The following ITGA11 variants were observed in gnomAD, a reference collection of about 807,000 sequenced individuals.
ITGA11 encodes integrin alpha-11.
ITGA11 carries 97 observed loss-of-function variants against 141.9 expected under a neutral mutation model. The ratio of observed to expected loss-of-function variants is 0.68; its 90% CI spans 0.58 to 0.81. ITGA11 has a LOEUF of 0.81. ITGA11 is among the 30% of genes least tolerant of loss of function. The pLI is 0.00. For missense variants in ITGA11, 1,387 were observed against 1,559.2 expected, an observed-to-expected ratio of 0.89 and a Z score of 1.86; for synonymous variants, 658 against 624.6, an observed-to-expected ratio of 1.05 and a Z score of -0.80.
chr15:68,344,213 T>C (rs1373643637), intron 10 of ITGA11, among the ~76,000 whole-genome samples: 1 of 151,880 alleles, frequency 6.6e-6, no homozygotes, highest in East Asian at 1.9e-4. Flanking sequence ...CCTGGACCCC[T>C]GGGGAGAGGG....
intron 1 of ITGA11, among the ~76,000 whole-genome samples, chr15:68,405,974 G>T (rs1270191561): frequency 1.3e-5 from 2 of 152,110 alleles, no homozygotes; most frequent in Non-Finnish European, 2.9e-5. Flanking sequence ...ACGGCACTTT[G>T]CCTGGCTTCC....
At chr15:68,409,710 A>G (rs975143657) in intron 1 of ITGA11, among the ~76,000 whole-genome samples, 2 of 152,144 alleles carry the variant, frequency 1.3e-5, no homozygotes, top group Admixed American at 1.3e-4. Flanking sequence ...AGCTCTTACT[A>G]TGTACCAAGC....
At chr15:68,313,674 G>T in intron 23 of ITGA11, 105 bp downstream of exon 23, 1 of 811,212 alleles carries the variant, frequency 1.2e-6, no homozygotes. Context: ...CCTTAGTGCT[G>T]GGGTCTGGCC....
At chr15:68,353,561 T>A (rs983738984) in intron 7 of ITGA11, among the ~76,000 whole-genome samples, 1 of 152,008 alleles carries the variant, frequency 6.6e-6, no homozygotes, top group African/African-American at 2.4e-5. Flanking sequence ...TTCCATAGAG[T>A]GGAATAGTGT....
intron 22 of ITGA11, among the ~76,000 whole-genome samples, chr15:68,314,338 G>A (rs1003703214): frequency 1.4e-4 from 21 of 152,162 alleles, no homozygotes; most frequent in African/African-American, 4.6e-4. Flanking sequence ...CCTACAGGGC[G>A]GCCAGGGGCA....
intron 1 of ITGA11, among the ~76,000 whole-genome samples, chr15:68,411,548 T>C (rs914717111): frequency 2.0e-5 from 3 of 152,206 alleles, no homozygotes; most frequent in African/African-American, 7.2e-5. Context: ...GAAGCCGCTC[T>C]ATGGCAGAAG....
rs1243514518 is a variant in ITGA11 at position 68,313,803 on chromosome 15, T to C, written c.2858A>G (p.Tyr953Cys). The stretch of plus-strand genomic sequence containing the variant: ...CCTGGTGAAGAGGACGTCAGCCTCG[T>C]ATTTGAGGTGGAAGCGTAAGGGGGC... ...NVAPLRFHLK[Y>C]EADVLFTRSS... is the part of the protein sequence containing the mutation. Residue 953 changes from tyrosine (Y) to cysteine (C), a missense_variant, in exon 23 of 30, where the codon TAC (tyrosine) becomes TGC (cysteine). Tyr to Cys is a radical substitution (Grantham distance 194). Transcript: ENST00000315757. The C allele has an allele frequency of 6.2e-7, 1 of 1,613,692 alleles. No homozygotes were observed. Among genetic ancestry groups the C allele is most frequent in the East Asian group, 2.2e-5 (1 of 44,878 alleles).
chr15:68,415,033 C>A (rs1190967577), intron 1 of ITGA11, among the ~76,000 whole-genome samples: 1 of 152,138 alleles, frequency 6.6e-6, no homozygotes, highest in East Asian at 1.9e-4. Flanking sequence ...TTGCAAAAGA[C>A]CCCCCTGTTT....
Position 68,358,578 on chromosome 15 carries a change from C to G in ITGA11, c.480G>C (p.Gln160His). ...KTVAPALQRC[Q>H]TYMDIVIVLD... ...GGACAATGACGATGTCCATGTAGGT[C>G]TGGCACCCTGGAAAGTGGGGACACA... Residue 160 changes from glutamine (Q) to histidine (H), a missense_variant, in exon 6 of 30, where the codon CAG (glutamine) becomes CAC (histidine). Coordinates refer to ENST00000315757, the MANE Select transcript of ITGA11 (RefSeq NM_001004439.2). 1 of 1,611,152 alleles carries G rather than the reference C, an allele frequency of 6.2e-7. No individual in the cohort carries two copies. The highest frequency in any genetic ancestry group is 8.5e-7 in the Non-Finnish European group (1 of 1,178,936).
At chr15:68,430,098 A>G (rs1407127883) in intron 1 of ITGA11, among the ~76,000 whole-genome samples, 1 of 152,222 alleles carries the variant, frequency 6.6e-6, no homozygotes, top group Non-Finnish European at 1.5e-5. Flanking sequence ...TCCAACATTG[A>G]TTGATATGTT....
chr15:68,408,562 G>T (rs890858407), intron 1 of ITGA11, among the ~76,000 whole-genome samples: 4 of 152,054 alleles, frequency 2.6e-5, no homozygotes, highest in Non-Finnish European at 5.9e-5. Flanking sequence ...CACGTGGAGT[G>T]CAAGTGTGCC....
At chr15:68,417,972 T>G (rs1279397358) in intron 1 of ITGA11, among the ~76,000 whole-genome samples, 1 of 152,216 alleles carries the variant, frequency 6.6e-6, no homozygotes, top group Non-Finnish European at 1.5e-5. Flanking sequence ...CCTCTCCCAC[T>G]GGAGTTTAAG....
chr15:68,316,281 A>T (rs978028488), intron 21 of ITGA11, among the ~76,000 whole-genome samples: 5 of 152,158 alleles, frequency 3.3e-5, no homozygotes, highest in Non-Finnish European at 7.4e-5. Flanking sequence ...CACACTGCTG[A>T]CCTGGGCCCT....
At chr15:68,388,823 T>C (rs911872009) in intron 2 of ITGA11, among the ~76,000 whole-genome samples, 2 of 152,146 alleles carry the variant, frequency 1.3e-5, no homozygotes, top group African/African-American at 4.8e-5. Context: ...ATAACTCTGG[T>C]GAGCCACTCT....
At chr15:68,340,122 A>T (rs1894512936) in intron 10 of ITGA11, among the ~76,000 whole-genome samples, 1 of 151,678 alleles carries the variant, frequency 6.6e-6, no homozygotes, top group Admixed American at 6.6e-5. Flanking sequence ...ACATTCACTG[A>T]GGTCTCCTTT....
At chr15:68,411,689 A>G (rs530958108) in intron 1 of ITGA11, among the ~76,000 whole-genome samples, 4 of 152,262 alleles carry the variant, frequency 2.6e-5, no homozygotes, top group African/African-American at 9.6e-5. Context: ...TCACTTCTCT[A>G]TATGCACACC....
At chr15:68,411,065 A>C (rs1896761342) in intron 1 of ITGA11, among the ~76,000 whole-genome samples, 1 of 152,238 alleles carries the variant, frequency 6.6e-6, no homozygotes, top group African/African-American at 2.4e-5. Context: ...TGAGCATCCC[A>C]TGAGCAGCAA....
chr15:68,412,587 C>T lies in ITGA11; in HGVS notation c.53-9558G>A, dbSNP rs183625065. 5.3e-5 allele frequency among the ~76,000 whole-genome samples: 8 copies of T among 151,360 alleles called. No homozygotes were observed. The East Asian group carries it at 1.2e-3, about 22-fold the overall frequency. On this transcript the variant is annotated intron_variant, in intron 1 of 29. Transcript: ENST00000315757. The stretch of plus-strand genomic sequence containing the variant: ...TTTCCAGTTGCTAGGGGGCATGACA[C>T]GAACTCCCCGTTAGACAAGCTACCA...
intron 1 of ITGA11, among the ~76,000 whole-genome samples, chr15:68,412,647 T>G (rs894374841): frequency 6.6e-6 from 1 of 150,736 alleles, no homozygotes; most frequent in Non-Finnish European, 1.5e-5. Flanking sequence ...AATATGTTAT[T>G]AGGGAGGGGG....
Sources: allele counts gnomAD v4.1 joint callset (sites outside exome capture counted in the v4.1 genomes callset), GRCh38; gene constraint gnomAD v4.1.1; transcripts MANE v1.5; gene names NCBI Gene and HGNC (gene_info 2026-07-23, HGNC 2026-07-21).